The following ABCA1 variants were observed in gnomAD, a reference collection of about 807,000 sequenced individuals.
ABCA1 encodes the protein ATP binding cassette subfamily A member 1, also known as phospholipid-transporting ATPase ABCA1.
In ABCA1, 133 loss-of-function variants were observed where a neutral mutation model predicts 262.5. The observed-to-expected ratio is 0.51, with a 90% CI of 0.44 to 0.59. The LOEUF (loss-of-function observed/expected upper bound fraction) is 0.59, where lower values mean the gene tolerates loss of function less well. ABCA1 is among the 20% of genes least tolerant of loss of function. The probability of loss-of-function intolerance (pLI) is 0.00; values close to 1 mark genes in which losing one functional copy is unlikely to be tolerated. For missense variants in ABCA1, 2,452 were observed against 2,777.5 expected, an observed-to-expected ratio of 0.88 and a Z score of 2.63; for synonymous variants, 1,022 against 1,043.5, an observed-to-expected ratio of 0.98 and a Z score of 0.40.
Position 104,840,307 on chromosome 9 carries a change from A to T in ABCA1, c.1026T>A (p.Asp342Glu). 1 of 1,614,238 alleles carries T rather than the reference A, an allele frequency of 6.2e-7. No individual in the cohort carries two copies. Residue 342 changes from aspartate (D) to glutamate (E), a missense_variant, in exon 9 of 50, where the codon GAT (aspartate) becomes GAA (glutamate). By Grantham distance (45) the Asp-to-Glu change is conservative. Coordinates refer to ENST00000374736, the MANE Select transcript of ABCA1 (RefSeq NM_005502.4). ...TAGAGTTGTCATAGAAGGTTTCAGCATCTTCCTCAGTGCCATTGCCTCCAA... is the reference window on the plus strand; with the variant it reads ...TAGAGTTGTCATAGAAGGTTTCAGCTTCTTCCTCAGTGCCATTGCCTCCAA... The part of the protein sequence containing the change: ...ALFGGNGTEE[D>E]AETFYDNSTT...
At chr9:104,904,850 C>T (rs1840978413) in intron 1 of ABCA1, among the ~76,000 whole-genome samples, 1 of 152,138 alleles carries the variant, frequency 6.6e-6, no homozygotes, top group Non-Finnish European at 1.5e-5. Context: ...CCTGAACACA[C>T]CGCCCCCCTA....
chr9:104,885,738 C>A (rs1290666971), intron 3 of ABCA1, among the ~76,000 whole-genome samples: 2 of 152,104 alleles, frequency 1.3e-5, no homozygotes, highest in Admixed American at 6.5e-5. Context: ...GATTAATAGG[C>A]CCTGGACGAG....
At chr9:104,895,107 A>G (rs1036053197) in intron 2 of ABCA1, among the ~76,000 whole-genome samples, 7 of 152,198 alleles carry the variant, frequency 4.6e-5, no homozygotes, top group Non-Finnish European at 1.0e-4. Context: ...ATCCTTTACC[A>G]TTATAAATTC....
intron 16 of ABCA1, 50 bp downstream of exon 16, chr9:104,826,898 A>C: frequency 6.5e-7 from 1 of 1,548,844 alleles, no homozygotes; most frequent in Non-Finnish European, 8.9e-7. Context: ...AGGGACTCCA[A>C]AGGAAGGTCA....
At chr9:104,832,171 C>T (rs768340874) in intron 12 of ABCA1, among the ~76,000 whole-genome samples, 13 of 152,236 alleles carry the variant, frequency 8.5e-5, no homozygotes, top group Admixed American at 1.3e-4. Context: ...CTTACCCATC[C>T]CTACTAATAT....
At chr9:104,788,638 T>A (rs920866482) in intron 44 of ABCA1, 71 bp from the exon 45 acceptor site, 2 of 1,560,946 alleles carry the variant, frequency 1.3e-6, no homozygotes, top group Non-Finnish European at 1.8e-6. Context: ...TCTGGCCTAA[T>A]GTTCCTGTAA....
intron 5 of ABCA1, among the ~76,000 whole-genome samples, chr9:104,872,536 T>G (rs1837715555): frequency 6.6e-6 from 1 of 152,232 alleles, no homozygotes; most frequent in Non-Finnish European, 1.5e-5. Context: ...CTCGGTTTCC[T>G]CATCAATGAA....
At chr9:104,913,632 T>C (rs1841631447) in intron 1 of ABCA1, among the ~76,000 whole-genome samples, 1 of 152,174 alleles carries the variant, frequency 6.6e-6, no homozygotes, top group Non-Finnish European at 1.5e-5. Context: ...GAAAGCATTA[T>C]ACGGTATCCT....
At chr9:104,810,170 T>TATAC (rs1428588602) in intron 29 of ABCA1, among the ~76,000 whole-genome samples, 8 of 114,484 alleles carry the variant, frequency 7.0e-5, no homozygotes, top group South Asian at 6.5e-4. Flanking sequence ...ATATATATAC[T>TATAC]TTTTTTTTTT....
At chr9:104,838,766 G>T (rs1834076682) in intron 9 of ABCA1, among the ~76,000 whole-genome samples, 3 of 151,964 alleles carry the variant, frequency 2.0e-5, no homozygotes, top group Admixed American at 2.0e-4. Flanking sequence ...GTTTTTCAGG[G>T]ATTTTTAGAT....
intron 1 of ABCA1, among the ~76,000 whole-genome samples, chr9:104,913,015 A>G (rs1841594945): frequency 6.6e-6 from 1 of 152,154 alleles, no homozygotes; most frequent in Non-Finnish European, 1.5e-5. Context: ...TTTCCAAGAG[A>G]ATTTTGGGAT....
intron 1 of ABCA1, among the ~76,000 whole-genome samples, chr9:104,914,596 T>A (rs1301264704): frequency 6.6e-6 from 1 of 152,018 alleles, no homozygotes; most frequent in African/African-American, 2.4e-5. Context: ...TCATCAGTGA[T>A]CCCTGATAAA....
At chr9:104,909,081 T>C (rs1841341232) in intron 1 of ABCA1, among the ~76,000 whole-genome samples, 1 of 152,278 alleles carries the variant, frequency 6.6e-6, no homozygotes, top group East Asian at 1.9e-4. Flanking sequence ...ACCTAAGAAC[T>C]GGATAGTGTA....
chr9:104,867,745 T>C (rs975149161), intron 5 of ABCA1, among the ~76,000 whole-genome samples: 1 of 152,208 alleles, frequency 6.6e-6, no homozygotes, highest in Non-Finnish European at 1.5e-5. Context: ...CACCAGTCAC[T>C]GCAAGGATGG....
rs754717919 is a variant in ABCA1, at chr9:104,816,151, G to C, written c.3730C>G (p.Leu1244Val). Residue 1244 changes from leucine (L) to valine (V), a missense_variant, in exon 25 of 50, where the codon CTG (leucine) becomes GTG (valine). Transcript: ENST00000374736. ...TCAGCCACTTAACTTACTTCTTCCA[G>C]GGTCGTCTCTGAGATGCCATAACTA... ...ISSYGISETTLEEIFLKVAEE... is the reference protein window; with the variant it reads ...ISSYGISETTVEEIFLKVAEE... 7 of 1,614,148 alleles carry C rather than the reference G, an allele frequency of 4.3e-6. No homozygotes were observed. Among genetic ancestry groups the C allele is most frequent in the Non-Finnish European group, 5.9e-6 (7 of 1,180,026 alleles).
At position 104,792,909 on chromosome 9, in the gene ABCA1, TG is replaced by T. The variant is rs143321497; in HGVS notation, c.5637-4del. On this transcript the variant is annotated splice_region_variant and splice_polypyrimidine_tract_variant and intron_variant, in intron 41 of 49. Coordinates refer to ENST00000374736, the MANE Select transcript of ABCA1 (RefSeq NM_005502.4). ...GAGATAGCTTTGCATTTACAGGTCTTGGGGGAAAAAACAAGAAAAATGAACC... is the reference window on the plus strand; with the variant it reads ...GAGATAGCTTTGCATTTACAGGTCTTGGGGAAAAAACAAGAAAAATGAACC... 2.2e-4 allele frequency: 356 copies of T among 1,613,884 alleles called. 3 individuals carry two copies. Among genetic ancestry groups the T allele is most frequent in the South Asian group, 7.7e-5 (7 of 91,088 alleles).
rs562452551 is a variant in ABCA1, at chr9:104,892,738, G to A, written c.67-3543C>T. On this transcript the variant is annotated intron_variant, in intron 2 of 49. Coordinates refer to ENST00000374736, the MANE Select transcript of ABCA1 (RefSeq NM_005502.4). Reference sequence around the variant, plus strand: ...TTTGGGAAAGCAATGTTAACAATACGTATTCAAGAGTCATGTTTATCCCAT... The same window carrying A: ...TTTGGGAAAGCAATGTTAACAATACATATTCAAGAGTCATGTTTATCCCAT... 3.3e-5 allele frequency among the ~76,000 whole-genome samples: 5 copies of A among 152,260 alleles called. No individual in the cohort carries two copies. In the South Asian group the frequency reaches 8.3e-4, roughly 25 times the overall value.
intron 30 of ABCA1, among the ~76,000 whole-genome samples, chr9:104,807,771 C>A (rs1485044158): frequency 6.6e-6 from 1 of 150,430 alleles, no homozygotes; most frequent in African/African-American, 2.5e-5. Flanking sequence ...CAAGATTGAG[C>A]CACTGCACTC....
In ABCA1 at chr9:104,804,675, T is replaced by C. The variant is rs983354240; in HGVS notation, c.4510A>G (p.Asn1504Asp). 6.2e-7 allele frequency: 1 copy of C among 1,614,116 alleles called. No individual in the cohort carries two copies. Among genetic ancestry groups the C allele is most frequent in the Non-Finnish European group, 8.5e-7 (1 of 1,180,048 alleles). Residue 1504 changes from asparagine to aspartate, a missense_variant, in exon 32 of 50, where the codon AAC becomes GAC. Coordinates refer to ENST00000374736, the MANE Select transcript of ABCA1 (RefSeq NM_005502.4). ...GTCTTCACCAGATAATCCGAAATGT[T>C]TCTTCCTGTCAGGTCCTGAAGGATA... is the stretch of plus-strand genomic sequence containing the variant. ...ADILQDLTGR[N>D]ISDYLVKTYV...
Sources: gnomAD v4.1 joint callset for allele counts (sites outside exome capture counted in the v4.1 genomes callset) on GRCh38, gnomAD v4.1.1 for gene constraint, MANE v1.5 for transcripts, NCBI Gene and HGNC (gene_info 2026-07-23, HGNC 2026-07-21) for gene names.